Variants in SYT6 observed in about 807,000 individuals in gnomAD.
SYT6 encodes the protein synaptotagmin-6.
Under a neutral mutation model 38.4 loss-of-function variants are expected in SYT6, and 24 were observed. That is an observed-to-expected ratio of 0.62 (90% confidence interval 0.45 to 0.88). The LOEUF is 0.88. SYT6 is among the 40% of genes least tolerant of loss of function. The pLI is 0.00. For synonymous variants in SYT6, 265 were observed against 241.9 expected (o/e 1.10, Z -0.89); for missense variants, 611 against 621.0 (o/e 0.98, Z 0.17).
In SYT6 at chr1:114,103,230, C is replaced by G. The variant is rs570909365; in HGVS notation, c.1192+371G>C. Among the ~76,000 whole-genome samples, 12 of 152,282 alleles carry G rather than the reference C, an allele frequency of 7.9e-5. No individual in the cohort carries two copies. The South Asian group carries it at 2.5e-3, about 32-fold the overall frequency. ...GCCTCACATAAATAAGAAAACTTATCCTTAATTTTTAAATCCTATATATTT... is the reference window on the plus strand; with the variant it reads ...GCCTCACATAAATAAGAAAACTTATGCTTAATTTTTAAATCCTATATATTT... On this transcript the variant is annotated intron_variant, in intron 4 of 7. Transcript: ENST00000610222.
At chr1:114,138,938 C>A (rs781394687) in intron 2 of SYT6, among the ~76,000 whole-genome samples, 3 of 152,204 alleles carry the variant, frequency 2.0e-5, no homozygotes, top group Non-Finnish European at 4.4e-5. Flanking sequence ...TGTTGGTCCC[C>A]TGAGGGCCTG....
intron 6 of SYT6, among the ~76,000 whole-genome samples, chr1:114,094,707 G>C (rs1002682930): frequency 6.6e-6 from 1 of 152,158 alleles, no homozygotes; most frequent in Non-Finnish European, 1.5e-5. Context: ...CTTAAGAAAG[G>C]TTCAAGATAA....
intron 3 of SYT6, among the ~76,000 whole-genome samples, chr1:114,123,182 G>C (rs1677525812): frequency 6.6e-6 from 1 of 152,204 alleles, no homozygotes; most frequent in Non-Finnish European, 1.5e-5. Flanking sequence ...ACAATGTGGA[G>C]GAGGCATTTT....
At chr1:114,145,503 T>C (rs1056713788) in intron 1 of SYT6, among the ~76,000 whole-genome samples, 2 of 30,832 alleles carry the variant, frequency 6.5e-5, no homozygotes, top group Non-Finnish European at 1.5e-4. Flanking sequence ...AGGTATTAAG[T>C]TTTTTTTTTT....
At chr1:114,150,577 T>A (rs1273024048) in intron 1 of SYT6, among the ~76,000 whole-genome samples, 1 of 152,172 alleles carries the variant, frequency 6.6e-6, no homozygotes, top group Non-Finnish European at 1.5e-5. Flanking sequence ...GGTTTCTGCA[T>A]TTGCTGGAGC....
chr1:114,143,543 A>G (rs1038771231), intron 1 of SYT6, among the ~76,000 whole-genome samples: 6 of 139,286 alleles, frequency 4.3e-5, no homozygotes, highest in African/African-American at 1.6e-4. Context: ...TATAAGTTAT[A>G]TATAACTTAT....
chr1:114,130,670 G>A (rs1190181148), intron 3 of SYT6, among the ~76,000 whole-genome samples: 1 of 152,104 alleles, frequency 6.6e-6, no homozygotes, highest in African/African-American at 2.4e-5. Flanking sequence ...TGAAACCTCT[G>A]TTCAACTGTG....
chr1:114,097,948 G>T (rs775250027), intron 5 of SYT6, 71 bp from the exon 6 acceptor site: 2 of 1,573,260 alleles, frequency 1.3e-6, no homozygotes, highest in Non-Finnish European at 1.7e-6. Context: ...CAGTGTGGGG[G>T]GTGGTAGGAC....
At chr1:114,146,583 C>G (rs1461476211) in intron 1 of SYT6, among the ~76,000 whole-genome samples, 1 of 152,220 alleles carries the variant, frequency 6.6e-6, no homozygotes, top group African/African-American at 2.4e-5. Flanking sequence ...CAGTGCTCTT[C>G]CAATTTACAC....
intron 2 of SYT6, 78 bp from the exon 3 acceptor site, chr1:114,138,131 G>A: frequency 7.1e-7 from 1 of 1,404,682 alleles, no homozygotes; most frequent in Admixed American, 2.3e-5. Flanking sequence ...CACGAGCCTG[G>A]AGGCCCTGGC....
At chr1:114,105,435 CCAGGCCCCCG>C (rs1676234757) in intron 3 of SYT6, among the ~76,000 whole-genome samples, 1 of 112,114 alleles carries the variant, frequency 8.9e-6, no homozygotes, top group South Asian at 3.4e-4. Context: ...GTCTTTTTGT[CCAGGCCCCCG>C]AAAAAAGTCA....
intron 3 of SYT6, among the ~76,000 whole-genome samples, chr1:114,106,573 A>G (rs934216357): frequency 6.6e-6 from 1 of 151,324 alleles, no homozygotes; most frequent in African/African-American, 2.4e-5. Flanking sequence ...GCCCTGTCCT[A>G]CCTCCTCACC....
intron 6 of SYT6, among the ~76,000 whole-genome samples, chr1:114,094,040 C>A (rs993681640): frequency 2.0e-5 from 3 of 152,134 alleles, no homozygotes; most frequent in African/African-American, 4.8e-5. Context: ...GACTGATAGG[C>A]CAGGTCAGAG....
chr1:114,152,233 C>T (rs1319598679), intron 1 of SYT6: 2 of 152,304 alleles, frequency 1.3e-5, no homozygotes, highest in African/African-American at 2.4e-5. Context: ...CCCAGAACCG[C>T]CGGTCCCTGG....
At chr1:114,138,221 G>A (rs752236294) in intron 2 of SYT6, among the ~76,000 whole-genome samples, 168 bp from the exon 3 acceptor site, 1 of 152,124 alleles carries the variant, frequency 6.6e-6, no homozygotes, top group Non-Finnish European at 1.5e-5. Flanking sequence ...TGTGTGCAAG[G>A]TTGTGGTGAG....
At chr1:114,147,158 T>C (rs1679195299) in intron 1 of SYT6, among the ~76,000 whole-genome samples, 1 of 152,176 alleles carries the variant, frequency 6.6e-6, no homozygotes, top group Admixed American at 6.5e-5. Flanking sequence ...GCCAGGTCCG[T>C]CTGTATCTTG....
chr1:114,146,592 A>T (rs539692863), intron 1 of SYT6, among the ~76,000 whole-genome samples: 2 of 152,288 alleles, frequency 1.3e-5, no homozygotes, highest in Admixed American at 1.3e-4. Flanking sequence ...TCCAATTTAC[A>T]CCACACGTTC....
Position 114,139,649 on chromosome 1 carries a change from G to T in SYT6, c.478C>A (p.Gln160Lys). 3 of 1,614,182 alleles carry T rather than the reference G, an allele frequency of 1.9e-6. No homozygotes were observed. Among genetic ancestry groups the T allele is most frequent in the Non-Finnish European group, 2.5e-6 (3 of 1,180,040 alleles). The stretch of plus-strand genomic sequence containing the variant: ...GACGCTGGCTCTGTAGTTTGCCGCT[G>T]CAGCCGGGTGTGACGCATGATGTGC... Reference protein sequence around the residue: ...KEHIMRHTRLQRQTTEPASST... With the variant: ...KEHIMRHTRLKRQTTEPASST... The change falls in exon 2 of 8, where the codon CAG becomes AAG. Residue 160 changes from glutamine (Q) to lysine (K), a missense_variant. Transcript: ENST00000610222.
At chr1:114,107,839 A>C (rs1207506458) in intron 3 of SYT6, among the ~76,000 whole-genome samples, 2 of 152,102 alleles carry the variant, frequency 1.3e-5, no homozygotes, top group African/African-American at 2.4e-5. Context: ...GAGGTGTTTG[A>C]GACTTTGGAC....
Sources: gnomAD v4.1 joint callset for allele counts (sites outside exome capture counted in the v4.1 genomes callset) on GRCh38, gnomAD v4.1.1 for gene constraint, MANE v1.5 for transcripts, NCBI Gene and HGNC (gene_info 2026-07-23, HGNC 2026-07-21) for gene names.